The following ASB18 variants were observed in gnomAD, a reference collection of about 807,000 sequenced individuals.
The protein encoded by ASB18 is ankyrin repeat and SOCS box containing 18.
ASB18 carries 33 observed loss-of-function variants against 33.4 expected under a neutral mutation model. The observed-to-expected ratio is 0.99, with a 90% CI of 0.75 to 1.32. ASB18 has a LOEUF of 1.32. Ranked by LOEUF, ASB18 falls within the 40% of genes most tolerant of loss-of-function variation. ASB18 has a pLI of 0.00. For synonymous variants in ASB18, 295 were observed against 307.6 expected (o/e 0.96, Z 0.43); for missense variants, 694 against 655.5 (o/e 1.06, Z -0.64).
In ASB18 at chr2:236,244,150, A is replaced by T. The variant is rs548534895; in HGVS notation, c.206-2748T>A. Among the ~76,000 whole-genome samples, 1 of 152,092 alleles carries T rather than the reference A, an allele frequency of 6.6e-6. No homozygotes were observed. Among genetic ancestry groups the T allele is most frequent in the Non-Finnish European group, 1.5e-5 (1 of 68,024 alleles). On this transcript the variant is annotated intron_variant, in intron 1 of 5. Transcript: ENST00000409749. The surrounding 1 kb of genome is among the most constrained non-coding windows in gnomAD (Gnocchi z 6.1). Reference sequence around the variant, plus strand: ...CTGTTTTTCTTTCTTTCTTTCAACCATTCTTGTTTTTCCCCACCAGGAAGT... The same window carrying T: ...CTGTTTTTCTTTCTTTCTTTCAACCTTTCTTGTTTTTCCCCACCAGGAAGT...
intron 3 of ASB18, among the ~76,000 whole-genome samples, chr2:236,236,470 A>G: frequency 6.6e-6 from 1 of 152,184 alleles, no homozygotes; most frequent in East Asian, 1.9e-4. Flanking sequence ...GCACGAGTGT[A>G]TAAGTCTGCG....
intron 1 of ASB18, among the ~76,000 whole-genome samples, chr2:236,261,766 G>A (rs560186237): frequency 6.6e-6 from 1 of 152,282 alleles, no homozygotes; most frequent in South Asian, 2.1e-4. Context: ...ACAGTTCCAC[G>A]TGGCTGGGGA....
chr2:236,198,183 T>TA (rs777437650), intron 4 of ASB18, among the ~76,000 whole-genome samples: 1 of 151,944 alleles, frequency 6.6e-6, no homozygotes, highest in Non-Finnish European at 1.5e-5. Context: ...TATGACAAAC[T>TA]AAAAAAAATT....
intron 1 of ASB18, among the ~76,000 whole-genome samples, chr2:236,242,280 G>C (rs1159591583): frequency 6.6e-6 from 1 of 152,094 alleles, no homozygotes; most frequent in Non-Finnish European, 1.5e-5. Flanking sequence ...CTCAGAACTG[G>C]GCCAGCACTG....
Position 236,263,648 on chromosome 2 carries a change from A to G in ASB18, c.205+493T>C, listed in dbSNP as rs141528207. The stretch of plus-strand genomic sequence containing the variant: ...AAAGAAAAAAGCCGTATGAATCCTA[A>G]TAAAGATGTTCGTTACAGCATTATT... On this transcript the variant is annotated intron_variant, in intron 1 of 5. Transcript: ENST00000409749. This position sits in a 1 kb window ranked among gnomAD's most constrained non-coding sequence, Gnocchi z 4.0. Among the ~76,000 whole-genome samples, 48 of 152,378 alleles carry G rather than the reference A, an allele frequency of 3.2e-4. No individual in the cohort carries two copies. The East Asian group carries it at 8.9e-3, about 28-fold the overall frequency.
chr2:236,263,210 G>T lies in ASB18; in HGVS notation c.205+931C>A, dbSNP rs570807151. Among the ~76,000 whole-genome samples, 15 of 152,302 alleles carry T rather than the reference G, an allele frequency of 9.8e-5. No individual in the cohort carries two copies. Among genetic ancestry groups the T allele is most frequent in the African/African-American group, 3.6e-4 (15 of 41,562 alleles). On this transcript the variant is annotated intron_variant, in intron 1 of 5. Transcript: ENST00000409749. The surrounding 1 kb of genome is among the most constrained non-coding windows in gnomAD (Gnocchi z 4.0). ...AACACTTTCAGGAAACCTAACAAAG[G>T]GATGATGTCTATGTTACGTGAAGAA...
At chr2:236,199,411 CAAA>C (rs368012989) in intron 4 of ASB18, among the ~76,000 whole-genome samples, 1 of 113,154 alleles carries the variant, frequency 8.8e-6, no homozygotes, top group Admixed American at 1.1e-4. Flanking sequence ...GACTCTGTTT[CAAA>C]AAAAAAAAAA....
chr2:236,239,653 G>T lies in ASB18; in HGVS notation c.328+1627C>A, dbSNP rs2060612328. On this transcript the variant is annotated intron_variant, in intron 2 of 5. Coordinates refer to ENST00000409749, the MANE Select transcript of ASB18 (RefSeq NM_212556.4). The surrounding 1 kb of genome is among the most constrained non-coding windows in gnomAD (Gnocchi z 5.6). ...CAGTGCTCTCTATGACTGTGGGCTG[G>T]ATGGGCCAGCATTCTATCACGGAGG... Among the ~76,000 whole-genome samples, 1 of 152,230 alleles carries T rather than the reference G, an allele frequency of 6.6e-6. No individual in the cohort carries two copies. Among genetic ancestry groups the T allele is most frequent in the South Asian group, 2.1e-4 (1 of 4,832 alleles).
At position 236,235,371 on chromosome 2, in the gene ASB18, A is replaced by G. The variant is rs939722393; in HGVS notation, c.596+2318T>C. Among the ~76,000 whole-genome samples the G allele has an allele frequency of 1.3e-5, 2 of 152,328 alleles. No individual in the cohort carries two copies. The highest frequency in any genetic ancestry group is 1.9e-4 in the East Asian group (1 of 5,180). Reference sequence around the variant, plus strand: ...TAATCATATAGCCTAGGTGGGCAGTAGGCTATGCCATCCTGGTTTGTGTAA... The same window carrying G: ...TAATCATATAGCCTAGGTGGGCAGTGGGCTATGCCATCCTGGTTTGTGTAA... On this transcript the variant is annotated intron_variant, in intron 3 of 5. Coordinates refer to ENST00000409749, the MANE Select transcript of ASB18 (RefSeq NM_212556.4). This position sits in a 1 kb window ranked among gnomAD's most constrained non-coding sequence, Gnocchi z 6.2.
Position 236,194,988 on chromosome 2 carries a change from G to A in ASB18, c.1285C>T (p.Arg429Cys), listed in dbSNP as rs77949726. The A allele has an allele frequency of 3.9e-3, 6,348 of 1,613,898 alleles. 135 individuals carry two copies. In the African/African-American group the frequency reaches 0.055, roughly 14 times the overall value. ...LTPRCLQHLC[R>C]CALRRLFGKR... Reference sequence around the variant, plus strand: ...CCAAACAGTCTGCGAAGAGCACAGCGGCAAAGATGCTGCAGGCAGCGTGGG... The same window carrying A: ...CCAAACAGTCTGCGAAGAGCACAGCAGCAAAGATGCTGCAGGCAGCGTGGG... Residue 429 changes from arginine to cysteine, a missense_variant, in exon 6 of 6, where the codon CGC becomes TGC. By Grantham distance (180) the Arg-to-Cys change is radical. Transcript: ENST00000409749. The surrounding 1 kb of genome is among the most constrained non-coding windows in gnomAD (Gnocchi z 4.5).
At position 236,195,002 on chromosome 2, in the gene ASB18, A is replaced by G. The variant is rs781782407; in HGVS notation, c.1271T>C (p.Leu424Pro). 2.5e-6 allele frequency: 4 copies of G among 1,613,808 alleles called. No individual in the cohort carries two copies. Among genetic ancestry groups the G allele is most frequent in the African/African-American group, 2.7e-5 (2 of 74,950 alleles). ...AAGAGCACAGCGGCAAAGATGCTGC[A>G]GGCAGCGTGGGGTGAGGGCCAAGGC... Reference protein sequence around the residue: ...LFALALTPRCLQHLCRCALRR... With the variant: ...LFALALTPRCPQHLCRCALRR... Residue 424 changes from leucine (L) to proline (P), a missense_variant, in exon 6 of 6, where the codon CTG becomes CCG. Physicochemically the swap from Leu to Pro is moderately conservative, Grantham distance 98 (BLOSUM62 -3). Coordinates refer to ENST00000409749, the MANE Select transcript of ASB18 (RefSeq NM_212556.4). This position sits in a 1 kb window ranked among gnomAD's most constrained non-coding sequence, Gnocchi z 5.5.
Sources: gnomAD v4.1 joint callset for allele counts (sites outside exome capture counted in the v4.1 genomes callset) on GRCh38, gnomAD v4.1.1 for gene constraint, Gnocchi (gnomAD v3.1) non-coding constraint, MANE v1.5 for transcripts, NCBI Gene and HGNC (gene_info 2026-07-23, HGNC 2026-07-21) for gene names.